The following MTSS1 variants were observed in gnomAD, a reference collection of about 807,000 sequenced individuals.
MTSS1 encodes the protein protein MTSS 1.
A neutral mutation model predicts 79.0 loss-of-function variants in MTSS1; 18 were observed. The observed-to-expected ratio is 0.23, with a 90% CI of 0.16 to 0.34. MTSS1 has a LOEUF of 0.34. Ranked by LOEUF, MTSS1 falls within the 10% of genes least tolerant of loss-of-function variation. The probability of loss-of-function intolerance (pLI) is 1.00; values close to 1 mark genes in which losing one functional copy is unlikely to be tolerated. For missense variants in MTSS1, 815 were observed against 986.2 expected (o/e 0.83, Z 2.33); for synonymous variants, 341 against 368.6 (o/e 0.93, Z 0.86).
At chr8:124,686,787 A>G (rs947396915) in intron 3 of MTSS1, among the ~76,000 whole-genome samples, 30 of 152,266 alleles carry the variant, frequency 2.0e-4, no homozygotes, top group South Asian at 4.1e-4. Flanking sequence ...CCCTGGTCTC[A>G]ATTCTGAGGT....
intron 3 of MTSS1, among the ~76,000 whole-genome samples, chr8:124,598,625 A>T (rs569305620): frequency 6.6e-6 from 1 of 152,334 alleles, no homozygotes; most frequent in Non-Finnish European, 1.5e-5. Flanking sequence ...TCATAAGCAC[A>T]GAGATAATAG....
intron 1 of MTSS1, among the ~76,000 whole-genome samples, chr8:124,716,435 G>T (rs1587965233): frequency 1.3e-5 from 2 of 152,188 alleles, no homozygotes; most frequent in Non-Finnish European, 2.9e-5. Context: ...ACATGTGCGG[G>T]AGATAGCTCC....
intron 3 of MTSS1, among the ~76,000 whole-genome samples, chr8:124,691,665 G>A (rs1409934004): frequency 1.3e-5 from 2 of 151,882 alleles, no homozygotes; most frequent in Non-Finnish European, 2.9e-5. Context: ...ACAGATGCCC[G>A]CCACCACACC....
chr8:124,685,898 G>A (rs1023297782), intron 3 of MTSS1, among the ~76,000 whole-genome samples: 4 of 152,164 alleles, frequency 2.6e-5, no homozygotes, highest in African/African-American at 9.7e-5. Context: ...GACAGGCCAC[G>A]CGGGGTGAAG....
chr8:124,640,980 C>T (rs543657467), intron 3 of MTSS1, among the ~76,000 whole-genome samples: 4 of 152,002 alleles, frequency 2.6e-5, no homozygotes, highest in African/African-American at 7.2e-5. Context: ...TTCAAAAAAA[C>T]GAGTTCTCTT....
In MTSS1 at chr8:124,597,750, C is replaced by G. The variant is rs1035262000; in HGVS notation, c.209-6515G>C. 2.0e-5 allele frequency among the ~76,000 whole-genome samples: 3 copies of G among 152,204 alleles called. No individual in the cohort carries two copies. Among genetic ancestry groups the G allele is most frequent in the Non-Finnish European group, 4.4e-5 (3 of 68,042 alleles). ...CTGAGGAAGCCAGACTGAAGAACTG[C>G]TTTGGTGAAAGTGTGCCGCCGTCAC... On this transcript the variant is annotated intron_variant, in intron 3 of 13. Coordinates refer to ENST00000518547, the MANE Select transcript of MTSS1 (RefSeq NM_014751.6). This position sits in a 1 kb window ranked among gnomAD's most constrained non-coding sequence, Gnocchi z 4.6.
intron 3 of MTSS1, among the ~76,000 whole-genome samples, chr8:124,603,107 C>G (rs1223664963): frequency 4.6e-5 from 7 of 152,180 alleles, no homozygotes; most frequent in Non-Finnish European, 7.4e-5. Context: ...CTCACCACAA[C>G]CTACACCTCC....
intron 6 of MTSS1, chr8:124,580,640 A>G: frequency 6.7e-7 from 1 of 1,484,906 alleles, no homozygotes; most frequent in Non-Finnish European, 9.1e-7. Flanking sequence ...TCAAACTGGT[A>G]TTCAAGCAGC....
chr8:124,667,723 A>G (rs1823366941), intron 3 of MTSS1, among the ~76,000 whole-genome samples: 2 of 152,152 alleles, frequency 1.3e-5, no homozygotes, highest in Non-Finnish European at 1.5e-5. Flanking sequence ...GGAAACTGGG[A>G]CTTAAAAAGC....
intron 3 of MTSS1, among the ~76,000 whole-genome samples, chr8:124,652,933 C>T (rs561374181): frequency 2.7e-4 from 41 of 152,270 alleles, no homozygotes; most frequent in Middle Eastern, 3.4e-3. Context: ...GAAAGGTTAT[C>T]ATCACCTCTG....
chr8:124,698,097 C>T (rs554762340), intron 3 of MTSS1: 1 of 152,318 alleles, frequency 6.6e-6, no homozygotes, highest in Admixed American at 6.5e-5. Context: ...TAAGCCGCTC[C>T]AGGACAAGGA....
intron 6 of MTSS1, among the ~76,000 whole-genome samples, chr8:124,572,509 C>A (rs1439670093): frequency 6.6e-6 from 1 of 152,130 alleles, no homozygotes; most frequent in Non-Finnish European, 1.5e-5. Flanking sequence ...ATTCTCTTCA[C>A]TCCCATCGGC....
chr8:124,632,146 G>A (rs1455331974), intron 3 of MTSS1, among the ~76,000 whole-genome samples: 1 of 151,220 alleles, frequency 6.6e-6, no homozygotes, highest in Non-Finnish European at 1.5e-5. Flanking sequence ...AGGTGTGGTG[G>A]TGCATGCCTG....
At chr8:124,585,642 T>C (rs1325768623) in intron 5 of MTSS1, among the ~76,000 whole-genome samples, 3 of 152,088 alleles carry the variant, frequency 2.0e-5, no homozygotes, top group Non-Finnish European at 4.4e-5. Context: ...CTTGAACTCC[T>C]GACCTCAAGT....
intron 3 of MTSS1, among the ~76,000 whole-genome samples, chr8:124,670,747 C>T (rs1200108267): frequency 6.6e-6 from 1 of 152,096 alleles, no homozygotes; most frequent in Non-Finnish European, 1.5e-5. Flanking sequence ...GCTCCTGGCT[C>T]TTAATTACTA....
intron 3 of MTSS1, among the ~76,000 whole-genome samples, chr8:124,662,306 CCT>C (rs1328530584): frequency 6.6e-6 from 1 of 152,042 alleles, no homozygotes; most frequent in Non-Finnish European, 1.5e-5. Context: ...AATTAGGGCC[CCT>C]CCGCCAGGGC....
intron 3 of MTSS1, among the ~76,000 whole-genome samples, chr8:124,665,237 C>T (rs1441902779): frequency 6.6e-6 from 1 of 152,232 alleles, no homozygotes; most frequent in Non-Finnish European, 1.5e-5. Flanking sequence ...GTGTCCAAGA[C>T]ATTTCTATCT....
At position 124,553,085 on chromosome 8, in the gene MTSS1, A is replaced by C. The variant is rs750160283; in HGVS notation, c.2175T>G (p.Thr725=). The change falls in exon 14 of 14, where the codon ACT becomes ACG. Residue 725 remains threonine, a synonymous_variant. Transcript: ENST00000518547. The surrounding 1 kb of genome is among the most constrained non-coding windows in gnomAD (Gnocchi z 6.0). ...SDPADLSPRD[T]PQGEDMLNAI... is the part of the protein sequence containing the mutation. ...CGTTCAGCATGTCTTCTCCTTGTGGAGTATCCCTTGGGCTCAGGTCTGCAG... is the reference window on the plus strand; with the variant it reads ...CGTTCAGCATGTCTTCTCCTTGTGGCGTATCCCTTGGGCTCAGGTCTGCAG... The C allele has an allele frequency of 1.2e-6, 2 of 1,613,990 alleles. No homozygotes were observed. The highest frequency in any genetic ancestry group is 1.1e-5 in the South Asian group (1 of 91,074).
At chr8:124,573,956 C>G (rs1390105255) in intron 6 of MTSS1, among the ~76,000 whole-genome samples, 1 of 152,126 alleles carries the variant, frequency 6.6e-6, no homozygotes, top group South Asian at 2.1e-4. Flanking sequence ...ATTGTGAATG[C>G]ACCATGTCAT....
Sources: gnomAD v4.1 joint callset for allele counts (sites outside exome capture counted in the v4.1 genomes callset) on GRCh38, gnomAD v4.1.1 for gene constraint, Gnocchi (gnomAD v3.1) non-coding constraint, MANE v1.5 for transcripts, NCBI Gene and HGNC (gene_info 2026-07-23, HGNC 2026-07-21) for gene names.